PHF21B: variants seen among roughly 807,000 people sequenced by gnomAD.
PHF21B encodes the protein PHD finger protein 21B.
In PHF21B, 22 loss-of-function variants were observed where a neutral mutation model predicts 62.2. The observed-to-expected ratio is 0.35, with a 90% CI of 0.25 to 0.51. The LOEUF (loss-of-function observed/expected upper bound fraction) is 0.51, where lower values mean the gene tolerates loss of function less well. PHF21B is among the 20% of genes least tolerant of loss of function. PHF21B has a pLI of 0.97. For missense variants in PHF21B, 701 were observed against 707.9 expected, an observed-to-expected ratio of 0.99 and a Z score of 0.11; for synonymous variants, 341 against 314.7, an observed-to-expected ratio of 1.08 and a Z score of -0.88.
intron 11 of PHF21B, 129 bp from the exon 12 acceptor site, chr22:44,885,658 G>T: frequency 9.4e-7 from 1 of 1,062,824 alleles, no homozygotes; most frequent in East Asian, 2.6e-5. Flanking sequence ...CAGTGGCTGT[G>T]GCCAAATGCA....
chr22:44,940,297 C>A (rs747100031), intron 2 of PHF21B, among the ~76,000 whole-genome samples: 7 of 152,208 alleles, frequency 4.6e-5, no homozygotes, highest in Admixed American at 2.0e-4. Flanking sequence ...CCCTTAAATT[C>A]ACCAGCAAGC....
At chr22:44,920,637 C>A in intron 2 of PHF21B, 147 bp from the exon 3 acceptor site, 2 of 531,424 alleles carry the variant, frequency 3.8e-6, no homozygotes, top group Non-Finnish European at 6.7e-6. Context: ...TAAAAAATCA[C>A]AATAGTAATC....
intron 2 of PHF21B, among the ~76,000 whole-genome samples, chr22:44,930,977 G>A (rs540595852): frequency 2.5e-3 from 379 of 152,324 alleles, no homozygotes; most frequent in African/African-American, 8.4e-3. Context: ...GGTGAGCTAC[G>A]CCCAGGGGAC....
At chr22:44,936,336 G>A (rs1024941266) in intron 2 of PHF21B, among the ~76,000 whole-genome samples, 7 of 152,352 alleles carry the variant, frequency 4.6e-5, no homozygotes, top group Admixed American at 3.9e-4. Flanking sequence ...TAGAGAGGCC[G>A]CAGCCTCAGG....
chr22:44,893,642 T>TC (rs2071006736), intron 6 of PHF21B, 109 bp from the exon 7 acceptor site: 10 of 1,066,766 alleles, frequency 9.4e-6, no homozygotes, highest in African/African-American at 1.6e-5. Context: ...CTGAAGCCTC[T>TC]CTGTGTGCTC....
intron 2 of PHF21B, among the ~76,000 whole-genome samples, chr22:44,946,433 C>T (rs1165307926): frequency 1.3e-5 from 2 of 151,988 alleles, no homozygotes; most frequent in Non-Finnish European, 2.9e-5. Flanking sequence ...AGAGTGCTGG[C>T]GTCCTGGGCG....
At chr22:44,916,830 G>A (rs1185796036) in intron 3 of PHF21B, among the ~76,000 whole-genome samples, 200 bp from the exon 4 acceptor site, 1 of 152,316 alleles carries the variant, frequency 6.6e-6, no homozygotes, top group African/African-American at 2.4e-5. Context: ...GACTGGCCAC[G>A]GGGCTCAGGA....
At chr22:44,941,675 C>G (rs1034658736) in intron 2 of PHF21B, among the ~76,000 whole-genome samples, 8 of 152,204 alleles carry the variant, frequency 5.3e-5, no homozygotes, top group African/African-American at 1.9e-4. Flanking sequence ...CACTTTAAGC[C>G]TCTGCCTCGA....
chr22:44,935,449 C>T (rs1057189204), intron 2 of PHF21B, among the ~76,000 whole-genome samples: 2 of 152,030 alleles, frequency 1.3e-5, no homozygotes, highest in Non-Finnish European at 2.9e-5. Flanking sequence ...CCTGTCTCTA[C>T]TAAAAACACA....
At chr22:44,985,930 CCACCACTACCAT>C (rs2072938429) in intron 2 of PHF21B, among the ~76,000 whole-genome samples, 1 of 151,322 alleles carries the variant, frequency 6.6e-6, no homozygotes, top group Admixed American at 6.6e-5. Flanking sequence ...ATCAGCACCA[CCACCACTACCAT>C]CACCATGATC....
chr22:44,904,986 T>C (rs4823411), intron 5 of PHF21B, among the ~76,000 whole-genome samples: 41,814 of 152,024 alleles, frequency 0.28, 6,294 homozygotes, highest in East Asian at 0.63. Flanking sequence ...GGTAGTTTTT[T>C]ATGATTTTTC....
intron 2 of PHF21B, among the ~76,000 whole-genome samples, chr22:44,943,183 C>A (rs961501): frequency 0.52 from 79,505 of 151,938 alleles, 21,731 homozygotes; most frequent in Non-Finnish European, 0.62. Context: ...GTGCCAGCAC[C>A]CGCTCCCCCA....
intron 2 of PHF21B, among the ~76,000 whole-genome samples, chr22:44,978,723 C>T (rs570602348): frequency 3.9e-5 from 6 of 152,326 alleles, no homozygotes; most frequent in Admixed American, 1.3e-4. Context: ...GTAGAATGAC[C>T]GCCCTTTTTT....
intron 12 of PHF21B, 49 bp downstream of exon 12, chr22:44,885,377 G>A: frequency 6.7e-7 from 1 of 1,503,474 alleles, no homozygotes; most frequent in Non-Finnish European, 8.9e-7. Context: ...CTAGACCCGG[G>A]GCACACCTGC....
intron 2 of PHF21B, among the ~76,000 whole-genome samples, chr22:45,000,405 G>T (rs1470863171): frequency 6.6e-6 from 1 of 152,070 alleles, no homozygotes; most frequent in Non-Finnish European, 1.5e-5. Flanking sequence ...GGGGCGAGTA[G>T]CAGCCTCGTG....
At chr22:44,949,354 T>C (rs941486604) in intron 2 of PHF21B, among the ~76,000 whole-genome samples, 30 of 149,590 alleles carry the variant, frequency 2.0e-4, no homozygotes, top group Middle Eastern at 3.5e-3. Flanking sequence ...TAGGTGATCA[T>C]GCACCAGCTG....
chr22:44,950,649 C>T (rs1032783952), intron 2 of PHF21B, among the ~76,000 whole-genome samples: 3 of 152,034 alleles, frequency 2.0e-5, no homozygotes, highest in South Asian at 2.1e-4. Flanking sequence ...TGTGGCGAAG[C>T]GGTTTTGAAG....
chr22:44,932,692 A>G (rs2071765066), intron 2 of PHF21B, among the ~76,000 whole-genome samples: 1 of 152,142 alleles, frequency 6.6e-6, no homozygotes, highest in Non-Finnish European at 1.5e-5. Flanking sequence ...CTGAGGGTGC[A>G]CCTCCGCACC....
chr22:44,906,440 C>T (rs950727452), intron 5 of PHF21B, among the ~76,000 whole-genome samples: 2 of 152,194 alleles, frequency 1.3e-5, no homozygotes, highest in East Asian at 1.9e-4. Context: ...AGGGCCGAAA[C>T]GTGTGTGTAA....
Sources: gnomAD v4.1 joint callset for allele counts (sites outside exome capture counted in the v4.1 genomes callset) on GRCh38, gnomAD v4.1.1 for gene constraint, MANE v1.5 for transcripts, NCBI Gene and HGNC (gene_info 2026-07-23, HGNC 2026-07-21) for gene names.